PTPN14: variants seen among roughly 807,000 people sequenced by gnomAD.
PTPN14 encodes protein tyrosine phosphatase non-receptor type 14, also known as tyrosine-protein phosphatase non-receptor type 14.
In PTPN14, 53 loss-of-function variants were observed where a neutral mutation model predicts 126.8. That is an observed-to-expected ratio of 0.42 (90% CI 0.34 to 0.53). The LOEUF is 0.53. Among genes scored for constraint, PTPN14 ranks in the 20% least tolerant of loss-of-function variants. The pLI, the probability that PTPN14 is intolerant of heterozygous loss-of-function variation, is 0.08. For synonymous variants in PTPN14, 630 were observed against 599.3 expected, an observed-to-expected ratio of 1.05 and a Z score of -0.75; for missense variants, 1,257 against 1,552.9, an observed-to-expected ratio of 0.81 and a Z score of 3.20.
chr1:214,533,061 A>G (rs12124603), intron 1 of PTPN14: 17,110 of 744,726 alleles, frequency 0.023, 409 homozygotes, highest in African/African-American at 0.1. Context: ...CTGAGATGAC[A>G]CTCACGGAGC....
chr1:214,530,337 C>CTTTTTTTTTTTTTTTTTT (rs1219471589), intron 1 of PTPN14: 6 of 129,078 alleles, frequency 4.6e-5, no homozygotes, highest in Non-Finnish European at 6.6e-5. Context: ...CTTTTCTTTT[C>CTTTTTTTTTTTTTTTTTT]TTTTTTTTTT....
intron 1 of PTPN14, among the ~76,000 whole-genome samples, chr1:214,480,997 C>A (rs1233986158): frequency 1.3e-5 from 2 of 152,106 alleles, no homozygotes; most frequent in Non-Finnish European, 2.9e-5. Flanking sequence ...AAATTTGCAA[C>A]CATCCACACA....
chr1:214,402,280 A>G (rs1463207443), intron 6 of PTPN14, among the ~76,000 whole-genome samples: 3 of 151,710 alleles, frequency 2.0e-5, no homozygotes, highest in African/African-American at 7.3e-5. Context: ...TCCACTAAAA[A>G]TACAAAAATT....
At chr1:214,462,280 T>C (rs1176090330) in intron 2 of PTPN14, among the ~76,000 whole-genome samples, 3 of 152,172 alleles carry the variant, frequency 2.0e-5, no homozygotes, top group Non-Finnish European at 4.4e-5. Context: ...AAGGTAGTTG[T>C]GGGATGATCC....
chr1:214,512,903 G>GC (rs1275970837), intron 1 of PTPN14, among the ~76,000 whole-genome samples: 1 of 151,916 alleles, frequency 6.6e-6, no homozygotes, highest in Non-Finnish European at 1.5e-5. Flanking sequence ...CGTTGGCCAG[G>GC]CTGGTCTTGA....
intron 1 of PTPN14, among the ~76,000 whole-genome samples, chr1:214,542,746 G>C (rs1011549013): frequency 6.6e-6 from 1 of 152,116 alleles, no homozygotes; most frequent in Non-Finnish European, 1.5e-5. Flanking sequence ...AAAATGACTG[G>C]GCCTGTTCAG....
At chr1:214,423,576 T>A (rs1659592553) in intron 3 of PTPN14, among the ~76,000 whole-genome samples, 1 of 152,196 alleles carries the variant, frequency 6.6e-6, no homozygotes, top group Admixed American at 6.5e-5. Context: ...TTTTGAAAAT[T>A]TCTAATTGCT....
chr1:214,384,306 T>C lies in PTPN14; in HGVS notation c.1549A>G (p.Arg517Gly), dbSNP rs1658554809. The C allele has an allele frequency of 1.2e-5, 20 of 1,614,198 alleles. No homozygotes were observed. Among genetic ancestry groups the C allele is most frequent in the Non-Finnish European group, 1.6e-5 (19 of 1,180,028 alleles). ...GGTACCACATTATTCTTTGGGTTCC[T>C]CTGGTCAGATGGACTGACAAGTTTG... is the stretch of plus-strand genomic sequence containing the variant. ...SNKLVSPSDQRNPKNNVVPSK... is the reference protein window; with the variant it reads ...SNKLVSPSDQGNPKNNVVPSK... The change falls in exon 13 of 19, where the codon AGG (arginine) becomes GGG (glycine). Residue 517 changes from arginine (R) to glycine (G), a missense_variant. Arg to Gly is a moderately radical substitution (Grantham distance 125). This residue lies in a region of PTPN14 where 1,021 missense variants were observed against 1,183.3 expected (regional missense o/e 0.86). Transcript: ENST00000366956. The surrounding 1 kb of genome is among the most constrained non-coding windows in gnomAD (Gnocchi z 5.3).
At chr1:214,549,825 G>A (rs4072932) in intron 1 of PTPN14, among the ~76,000 whole-genome samples, 3 of 152,004 alleles carry the variant, frequency 2.0e-5, no homozygotes, top group Non-Finnish European at 2.9e-5. Flanking sequence ...TTGGCTCCTC[G>A]GTAAGCTACT....
chr1:214,447,481 A>G (rs1324401208), intron 3 of PTPN14, among the ~76,000 whole-genome samples: 1 of 152,080 alleles, frequency 6.6e-6, no homozygotes, highest in Non-Finnish European at 1.5e-5. Flanking sequence ...TTGCTGAATC[A>G]CACCTGATCG....
At chr1:214,490,875 GAGGGGAGGGA>G (rs1210100250) in intron 1 of PTPN14, among the ~76,000 whole-genome samples, 50 of 20,132 alleles carry the variant, frequency 2.5e-3, no homozygotes, top group African/African-American at 3.8e-3. Context: ...GAGGGGAGGG[GAGGGGAGGGA>G]AGGGGAGGGG....
intron 18 of PTPN14, among the ~76,000 whole-genome samples, chr1:214,362,805 C>A (rs1397725186): frequency 6.6e-6 from 1 of 152,000 alleles, no homozygotes; most frequent in Non-Finnish European, 1.5e-5. Flanking sequence ...GAGTTTGAGG[C>A]CAGCCTGGGC....
At chr1:214,513,547 TG>T (rs1190283343) in intron 1 of PTPN14, among the ~76,000 whole-genome samples, 5 of 152,206 alleles carry the variant, frequency 3.3e-5, no homozygotes, top group Non-Finnish European at 7.3e-5. Flanking sequence ...ATTCTCTTCT[TG>T]GCCACAGTCC....
chr1:214,375,244 T>G lies in PTPN14; in HGVS notation c.2907+975A>C, dbSNP rs534985801. ...TTATAATTGATACACAAGCTAGATA[T>G]CTAACTCGCCTTTTACAGGCTTAAA... On this transcript the variant is annotated intron_variant, in intron 15 of 18. Coordinates refer to ENST00000366956, the MANE Select transcript of PTPN14 (RefSeq NM_005401.5). 2.2e-4 allele frequency among the ~76,000 whole-genome samples: 33 copies of G among 152,226 alleles called. 1 individual carries two copies. Among genetic ancestry groups the G allele is most frequent in the Admixed American group, 4.6e-4 (7 of 15,278 alleles).
intron 1 of PTPN14, among the ~76,000 whole-genome samples, chr1:214,466,784 CT>C (rs761262712): frequency 7.9e-5 from 12 of 152,256 alleles, no homozygotes; most frequent in South Asian, 2.1e-4. Flanking sequence ...GGATTACCCC[CT>C]GAGCCCCAAG....
At chr1:214,360,194 C>T (rs1657921997) in intron 18 of PTPN14, among the ~76,000 whole-genome samples, 1 of 152,156 alleles carries the variant, frequency 6.6e-6, no homozygotes, top group African/African-American at 2.4e-5. Context: ...ACTTTGTAAC[C>T]TTTGAACCTT....
intron 1 of PTPN14, among the ~76,000 whole-genome samples, chr1:214,488,536 A>G (rs900027879): frequency 6.6e-6 from 1 of 152,352 alleles, no homozygotes; most frequent in Non-Finnish European, 1.5e-5. Context: ...GCATGCTGTC[A>G]TAAGTCTTAT....
intron 3 of PTPN14, among the ~76,000 whole-genome samples, chr1:214,429,451 T>C (rs1659747901): frequency 1.3e-5 from 2 of 152,220 alleles, no homozygotes; most frequent in Admixed American, 1.3e-4. Flanking sequence ...CTACATGCTT[T>C]TATAATTCTT....
intron 17 of PTPN14, among the ~76,000 whole-genome samples, chr1:214,369,203 A>C (rs576927306): frequency 1.2e-4 from 18 of 152,356 alleles, no homozygotes; most frequent in Non-Finnish European, 2.4e-4. Context: ...TGAGTAGCTA[A>C]AGGTCTGAAT....
Sources: allele counts gnomAD v4.1 joint callset (sites outside exome capture counted in the v4.1 genomes callset), GRCh38; gene constraint gnomAD v4.1.1; regional missense constraint gnomAD v4.1.1; non-coding constraint Gnocchi (gnomAD v3.1); transcripts MANE v1.5; gene names NCBI Gene and HGNC (gene_info 2026-07-23, HGNC 2026-07-21).